SCN2B: variants seen among roughly 807,000 people sequenced by gnomAD.
SCN2B encodes sodium channel regulatory subunit beta-2.
Under a neutral mutation model 18.2 loss-of-function variants are expected in SCN2B, and 14 were observed. The observed-to-expected ratio is 0.77, with a 90% CI of 0.51 to 1.21. The LOEUF (loss-of-function observed/expected upper bound fraction) is 1.21, where lower values mean the gene tolerates loss of function less well. SCN2B is among the 50% of genes most tolerant of loss of function. The pLI is 0.00. For missense variants in SCN2B, 262 were observed against 286.9 expected (o/e 0.91, Z 0.63); for synonymous variants, 115 against 115.3 (o/e 1.00, Z 0.02).
At chr11:118,170,212 A>C (rs1225957457) in intron 1 of SCN2B, among the ~76,000 whole-genome samples, 1 of 152,172 alleles carries the variant, frequency 6.6e-6, no homozygotes, top group African/African-American at 2.4e-5. Context: ...ACAAGGAAAA[A>C]AATCATGGAG....
Position 118,168,251 on chromosome 11 carries a change from C to T in SCN2B, c.282G>A (p.Arg94=). The part of the protein sequence containing the change: ...RMKIINLKLE[R]FQDRVEFSGN... ...CTGAGAACTCCACGCGGTCTTGAAACCGCTCCAGCTTCAGGTTAATGATCT... is the reference window on the plus strand; with the variant it reads ...CTGAGAACTCCACGCGGTCTTGAAATCGCTCCAGCTTCAGGTTAATGATCT... Residue 94 remains arginine, a synonymous_variant, in exon 3 of 4, where the codon CGG becomes CGA. Transcript: ENST00000278947. This position sits in a 1 kb window ranked among gnomAD's most constrained non-coding sequence, Gnocchi z 4.7. 6.2e-7 allele frequency: 1 copy of T among 1,614,236 alleles called. No individual in the cohort carries two copies.
rs610796 is a variant in SCN2B, at chr11:118,163,689, C to T, written c.*3198G>A. 0.095 allele frequency: 14,492 copies of T among 152,416 alleles called. 2,313 individuals carry two copies. Among genetic ancestry groups the T allele is most frequent in the African/African-American group, 0.33 (13,618 of 41,410 alleles). 9.4% of individuals were successfully genotyped at this position (152,416 alleles called of 1,614,324 possible). ...GGGGCAGAGGGAGGTTCTGAGAGAG[C>T]AGGAGAGGCTGGGGCAGTTGAGAAA... On this transcript the variant is annotated 3_prime_UTR_variant, in exon 4 of 4. Transcript: ENST00000278947.
rs74218627 is a variant in SCN2B at position 118,163,642 on chromosome 11, A to C, written c.*3245T>G. The stretch of plus-strand genomic sequence containing the variant: ...CTCTTTGCAGTGGCCCTTAATTAGG[A>C]GGAAGAGACAGATGGGGGGTGGGGG... On this transcript the variant is annotated 3_prime_UTR_variant, in exon 4 of 4. Coordinates refer to ENST00000278947, the MANE Select transcript of SCN2B (RefSeq NM_004588.5). The C allele has an allele frequency of 7.7e-3, 1,176 of 152,596 alleles. 11 individuals are homozygous for C. The highest frequency in any genetic ancestry group is 0.073 in the East Asian group (378 of 5,174). 9.5% of individuals were successfully genotyped at this position (152,596 alleles called of 1,614,324 possible). A position where few individuals can be genotyped will look rare whatever the true frequency, so the allele number is the denominator to read the frequency against.
chr11:118,170,409 G>A (rs1031815615), intron 1 of SCN2B, among the ~76,000 whole-genome samples: 20 of 152,212 alleles, frequency 1.3e-4, no homozygotes, highest in African/African-American at 4.8e-4. Context: ...GTGGCTGGAA[G>A]GAGTTTCGTG....
chr11:118,172,834 A>G (rs1340803849), intron 1 of SCN2B, among the ~76,000 whole-genome samples: 1 of 151,650 alleles, frequency 6.6e-6, no homozygotes, highest in East Asian at 1.9e-4. Context: ...CTGGAAGTTA[A>G]TCTCTTCACT....
At position 118,164,150 on chromosome 11, in the gene SCN2B, A is replaced by G. The variant is rs1948356815; in HGVS notation, c.*2737T>C. On this transcript the variant is annotated 3_prime_UTR_variant, in exon 4 of 4. Coordinates refer to ENST00000278947, the MANE Select transcript of SCN2B (RefSeq NM_004588.5). Reference sequence around the variant, plus strand: ...GGAGAGTTAGAACTTCTTAGAATACACTAGGAAAGCCCGCAAATAATTCCC... The same window carrying G: ...GGAGAGTTAGAACTTCTTAGAATACGCTAGGAAAGCCCGCAAATAATTCCC... The G allele has an allele frequency of 6.6e-6, 1 of 152,210 alleles. No homozygotes were observed. The highest frequency in any genetic ancestry group is 1.5e-5 in the Non-Finnish European group (1 of 68,050). 9.4% of individuals were successfully genotyped at this position (152,210 alleles called of 1,614,324 possible). A position where few individuals can be genotyped will look rare whatever the true frequency, so the allele number is the denominator to read the frequency against.
chr11:118,168,601 T>C lies in SCN2B; in HGVS notation c.221A>G (p.Asn74Ser), dbSNP rs1948405442. The C allele has an allele frequency of 6.2e-7, 1 of 1,614,072 alleles. No individual in the cohort carries two copies. The highest frequency in any genetic ancestry group is 1.3e-5 in the African/African-American group (1 of 74,922). The change falls in exon 2 of 4, where the codon AAC becomes AGC. Residue 74 changes from asparagine to serine, a missense_variant. Asn to Ser is a conservative substitution (Grantham distance 46, BLOSUM62 1). Transcript: ENST00000278947. The surrounding 1 kb of genome is among the most constrained non-coding windows in gnomAD (Gnocchi z 4.7). Reference sequence around the variant, plus strand: ...AGGACTCACCATCTCCTCAGAGCAGTTGTTGCACTCCTGGTAAGTCCAGTT... The same window carrying C: ...AGGACTCACCATCTCCTCAGAGCAGCTGTTGCACTCCTGGTAAGTCCAGTT... ...SLNWTYQECN[N>S]CSEEMFLQFR... is the part of the protein sequence containing the mutation.
chr11:118,173,838 C>G (rs1948447339), intron 1 of SCN2B, among the ~76,000 whole-genome samples: 2 of 152,138 alleles, frequency 1.3e-5, no homozygotes, highest in Non-Finnish European at 2.9e-5. Context: ...AGCTTTCTCT[C>G]CATGTCTGGG....
intron 1 of SCN2B, among the ~76,000 whole-genome samples, chr11:118,172,832 T>C (rs986209153): frequency 5.3e-5 from 8 of 152,098 alleles, no homozygotes; most frequent in Middle Eastern, 3.2e-3. Flanking sequence ...GACTGGAAGT[T>C]AATCTCTTCA....
chr11:118,167,821 C>T (rs959746654), intron 3 of SCN2B, among the ~76,000 whole-genome samples: 18 of 152,178 alleles, frequency 1.2e-4, no homozygotes, highest in Admixed American at 5.9e-4. Flanking sequence ...CCTCCCAAAG[C>T]GCTGTGATTA....
chr11:118,172,597 C>T (rs906996510), intron 1 of SCN2B, among the ~76,000 whole-genome samples: 67 of 152,358 alleles, frequency 4.4e-4, no homozygotes, highest in African/African-American at 1.5e-3. Flanking sequence ...CATTTGAGAC[C>T]AGGTCTGGGG....
In SCN2B at chr11:118,168,185, G is replaced by A. The variant is rs72544144; in HGVS notation, c.348C>T (p.Asn116=). 20 of 1,614,180 alleles carry A rather than the reference G, an allele frequency of 1.2e-5. No homozygotes were observed. Among genetic ancestry groups the A allele is most frequent in the East Asian group, 8.9e-5 (4 of 44,888 alleles). Residue 116 remains asparagine, a synonymous_variant, in exon 3 of 4, where the codon AAC becomes AAT. Transcript: ENST00000278947. The surrounding 1 kb of genome is among the most constrained non-coding windows in gnomAD (Gnocchi z 4.7). ...SKYDVSVMLR[N]VQPEDEGIYN... Reference sequence around the variant, plus strand: ...AAATCCCCTCATCCTCCGGCTGCACGTTTCTCAGCATCACCGACACATCGT... The same window carrying A: ...AAATCCCCTCATCCTCCGGCTGCACATTTCTCAGCATCACCGACACATCGT...
chr11:118,167,868 A>G (rs1484494230), intron 3 of SCN2B, among the ~76,000 whole-genome samples: 1 of 152,176 alleles, frequency 6.6e-6, no homozygotes, highest in Non-Finnish European at 1.5e-5. Flanking sequence ...CATTATTAAG[A>G]CTGGGATTAT....
intron 1 of SCN2B, 76 bp downstream of exon 1, chr11:118,176,286 A>G: frequency 2.3e-6 from 3 of 1,329,214 alleles, no homozygotes; most frequent in Non-Finnish European, 3.3e-6. Context: ...CTTCTTTCCT[A>G]TCCCCTGCCC....
intron 1 of SCN2B, among the ~76,000 whole-genome samples, chr11:118,174,589 C>T (rs2134622237): frequency 6.6e-6 from 1 of 152,272 alleles, no homozygotes; most frequent in East Asian, 1.9e-4. Flanking sequence ...CTCATTACAG[C>T]ACCAATCAAG....
chr11:118,167,249 G>A (rs2075647), intron 3 of SCN2B, among the ~76,000 whole-genome samples, 163 bp from the exon 4 acceptor site: 2 of 152,120 alleles, frequency 1.3e-5, no homozygotes, highest in Admixed American at 6.5e-5. Context: ...CTGAAGCGCC[G>A]CCACCTCCAA....
intron 1 of SCN2B, among the ~76,000 whole-genome samples, chr11:118,172,892 GTTT>G (rs11358502): frequency 0.065 from 9,338 of 143,970 alleles, 993 homozygotes; most frequent in African/African-American, 0.22. Context: ...TTTCTTCTTG[GTTT>G]TTTTTTTTTT....
At chr11:118,174,112 T>TGTTTTTG (rs1948451605) in intron 1 of SCN2B, among the ~76,000 whole-genome samples, 1 of 134,076 alleles carries the variant, frequency 7.5e-6, no homozygotes, top group African/African-American at 2.9e-5. Flanking sequence ...TTTTTTTTTT[T>TGTTTTTG]TTTTTTTTGT....
chr11:118,172,589 T>C (rs1436579616), intron 1 of SCN2B, among the ~76,000 whole-genome samples: 1 of 152,238 alleles, frequency 6.6e-6, no homozygotes, highest in African/African-American at 2.4e-5. Context: ...GGTTGTCCCA[T>C]TTGAGACCAG....
Sources: gnomAD v4.1 joint callset for allele counts (sites outside exome capture counted in the v4.1 genomes callset) on GRCh38, gnomAD v4.1.1 for gene constraint, Gnocchi (gnomAD v3.1) non-coding constraint, MANE v1.5 for transcripts, NCBI Gene and HGNC (gene_info 2026-07-23, HGNC 2026-07-21) for gene names.